GNG2: variants seen among roughly 807,000 people sequenced by gnomAD.
The protein encoded by GNG2 is G protein subunit gamma 2, also known as guanine nucleotide-binding protein G(I)/G(S)/G(O) subunit gamma-2.
In GNG2, 5 loss-of-function variants were observed where a neutral mutation model predicts 5.5. The ratio of observed to expected loss-of-function variants is 0.91; its 90% CI spans 0.48 to 1.92. The LOEUF is 1.92. GNG2 is among the 30% of genes most tolerant of loss of function. The pLI is 0.01. For synonymous variants in GNG2, 28 were observed against 32.0 expected (o/e 0.88, Z 0.42); for missense variants, 55 against 88.4 (o/e 0.62, Z 1.52).
intron 2 of GNG2, among the ~76,000 whole-genome samples, chr14:51,920,026 C>CA (rs1886919857): frequency 6.6e-6 from 1 of 152,076 alleles, no homozygotes; most frequent in African/African-American, 2.4e-5. Context: ...CCTTGGAGAC[C>CA]AAAATCCATG....
At chr14:51,932,246 CAA>C (rs781725794) in intron 2 of GNG2, among the ~76,000 whole-genome samples, 33 of 23,198 alleles carry the variant, frequency 1.4e-3, no homozygotes, top group Non-Finnish European at 2.4e-3. Flanking sequence ...GACTCTGTCT[CAA>C]AAAAAAAAAA....
In GNG2 at chr14:51,966,651, G is replaced by A. The variant is rs200874671; in HGVS notation, c.180G>A (p.Pro60=). 364 of 1,613,826 alleles carry A rather than the reference G, an allele frequency of 2.3e-4. No individual in the cohort carries two copies. The highest frequency in any genetic ancestry group is 6.2e-4 in the East Asian group (28 of 44,880). Residue 60 remains proline, a synonymous_variant, in exon 4 of 4, where the codon CCG becomes CCA. Transcript: ENST00000556766. The part of the protein sequence containing the change: ...LLTPVPASEN[P]FREKKFFCAI... ...CCCCTGTTCCGGCTTCAGAAAACCCGTTTAGGGAGAAGAAGTTTTTCTGTG... is the reference window on the plus strand; with the variant it reads ...CCCCTGTTCCGGCTTCAGAAAACCCATTTAGGGAGAAGAAGTTTTTCTGTG...
chr14:51,855,450 G>C (rs1882112812), upstream of GNG2, among the ~76,000 whole-genome samples: 1 of 152,246 alleles, frequency 6.6e-6, no homozygotes, highest in Non-Finnish European at 1.5e-5. Flanking sequence ...TGTCTGGAGG[G>C]AGAGAATGAT....
chr14:51,935,479 C>T (rs1887938485), intron 2 of GNG2, among the ~76,000 whole-genome samples: 1 of 152,096 alleles, frequency 6.6e-6, no homozygotes, highest in African/African-American at 2.4e-5. Flanking sequence ...AGTAGTGACC[C>T]TACATTTGGA....
At chr14:51,951,189 G>A (rs73297021) in intron 3 of GNG2, among the ~76,000 whole-genome samples, 4,244 of 152,248 alleles carry the variant, frequency 0.028, 184 homozygotes, top group African/African-American at 0.093. Context: ...ATCCTTGCAC[G>A]TTATAAGTTT....
intron 2 of GNG2, among the ~76,000 whole-genome samples, chr14:51,940,675 G>T (rs1304261290): frequency 2.0e-5 from 3 of 152,162 alleles, no homozygotes; most frequent in Non-Finnish European, 4.4e-5. Context: ...TGTAAGAGTT[G>T]AGAGAAAAGC....
intron 2 of GNG2, among the ~76,000 whole-genome samples, chr14:51,941,124 G>T (rs867009681): frequency 1.6e-4 from 25 of 151,936 alleles, no homozygotes; most frequent in Admixed American, 1.6e-3. Context: ...TTTGATGATG[G>T]ATTACTTACT....
chr14:51,898,042 A>G (rs961942541), intron 2 of GNG2, among the ~76,000 whole-genome samples: 5 of 151,974 alleles, frequency 3.3e-5, no homozygotes, highest in African/African-American at 1.2e-4. Flanking sequence ...TTTCCCATTT[A>G]TTTTACTTTC....
intron 1 of GNG2, among the ~76,000 whole-genome samples, chr14:51,864,431 T>G (rs1882733447): frequency 6.6e-6 from 1 of 152,238 alleles, no homozygotes; most frequent in Non-Finnish European, 1.5e-5. Context: ...GGCAGGATCT[T>G]TTAACATAAT....
chr14:51,882,784 C>T (rs187782146), intron 2 of GNG2, among the ~76,000 whole-genome samples: 4 of 151,858 alleles, frequency 2.6e-5, no homozygotes, highest in African/African-American at 4.8e-5. Flanking sequence ...CCGAGGCAGG[C>T]GGATCACGAG....
chr14:51,949,935 C>A (rs201382688), intron 2 of GNG2, among the ~76,000 whole-genome samples: 5 of 152,158 alleles, frequency 3.3e-5, no homozygotes, highest in African/African-American at 7.2e-5. Context: ...ATCTCGCAAT[C>A]TGCCTAGGAA....
intron 2 of GNG2, chr14:51,877,973 A>G: frequency 4.4e-6 from 1 of 228,620 alleles, no homozygotes; most frequent in East Asian, 1.2e-4. Flanking sequence ...GCAGACATTG[A>G]GGGCATACCC....
At chr14:51,874,064 T>C (rs1883483083) in intron 1 of GNG2, 1 of 152,162 alleles carries the variant, frequency 6.6e-6, no homozygotes, top group Non-Finnish European at 1.5e-5. Flanking sequence ...GAAGAACCAA[T>C]AGCACCCTTA....
At chr14:51,896,360 T>A (rs1254528971) in intron 2 of GNG2, among the ~76,000 whole-genome samples, 1 of 152,228 alleles carries the variant, frequency 6.6e-6, no homozygotes, top group Non-Finnish European at 1.5e-5. Flanking sequence ...TTGTTTCAGA[T>A]GAGAAAATAG....
chr14:51,898,165 T>C (rs931492473), intron 2 of GNG2, among the ~76,000 whole-genome samples: 4 of 152,232 alleles, frequency 2.6e-5, no homozygotes, highest in Non-Finnish European at 4.4e-5. Context: ...GGAGTGGCAT[T>C]ATTCCAACCA....
In GNG2 at chr14:51,905,041, T is replaced by C. The variant is rs147835714; in HGVS notation, c.-30+27384T>C. ...TTTTGCCATTGTATTGAATATTTTT[T>C]AGTGTCAGTTTCTTGTTATGTGAGT... On this transcript the variant is annotated intron_variant, in intron 2 of 3. Coordinates refer to ENST00000556766, the MANE Select transcript of GNG2 (RefSeq NM_053064.5). Among the ~76,000 whole-genome samples, 13 of 152,350 alleles carry C rather than the reference T, an allele frequency of 8.5e-5. No individual in the cohort carries two copies. In the East Asian group the frequency reaches 2.5e-3, roughly 29 times the overall value.
chr14:51,828,134 C>G (rs1306984936), intron 2 of GNG2, among the ~76,000 whole-genome samples: 1 of 152,196 alleles, frequency 6.6e-6, no homozygotes, highest in Non-Finnish European at 1.5e-5. Context: ...GACAGTCCTG[C>G]CATCATCCCC....
At chr14:51,859,493 T>C (rs373145404), upstream of GNG2, among the ~76,000 whole-genome samples, 29 of 152,196 alleles carry the variant, frequency 1.9e-4, no homozygotes, top group East Asian at 1.2e-3. Context: ...CCTCTAAAAA[T>C]AATAAGAGTT....
chr14:51,832,520 G>A (rs1881226419), intron 2 of GNG2, among the ~76,000 whole-genome samples: 1 of 152,146 alleles, frequency 6.6e-6, no homozygotes, highest in African/African-American at 2.4e-5. Context: ...TGTCTTAGCT[G>A]GGCTTCCATA....
Sources: gnomAD v4.1 joint callset for allele counts (sites outside exome capture counted in the v4.1 genomes callset) on GRCh38, gnomAD v4.1.1 for gene constraint, MANE v1.5 for transcripts, NCBI Gene and HGNC (gene_info 2026-07-23, HGNC 2026-07-21) for gene names.